Variants in H4C4 observed in about 807,000 individuals in gnomAD.
H4C4 encodes the protein histone H4.
In H4C4, 8 loss-of-function variants were observed where a neutral mutation model predicts 4.4. The observed-to-expected ratio is 1.81, with a 90% CI of 1.06 to 3.27. H4C4 has a LOEUF of 3.27. H4C4 is among the 30% of genes most tolerant of loss of function. The probability of loss-of-function intolerance (pLI) is 0.00; values close to 1 mark genes in which losing one functional copy is unlikely to be tolerated. For synonymous variants in H4C4, 130 were observed against 59.4 expected (o/e 2.19, Z -5.46); for missense variants, 223 against 148.9 (o/e 1.50, Z -2.59).
chr6:26,189,093 T>C lies in H4C4; in HGVS notation c.-17A>G. The C allele has an allele frequency of 6.4e-7, 1 of 1,563,550 alleles. No homozygotes were observed. Among genetic ancestry groups the C allele is most frequent in the Non-Finnish European group, 8.7e-7 (1 of 1,153,984 alleles). On this transcript the variant is annotated 5_prime_UTR_variant, in exon 1 of 1. Coordinates refer to ENST00000614247, the MANE Select transcript of H4C4 (RefSeq NM_003539.4). ...GCCAGACATCTTGAAACCACAGCTG[T>C]TAAATCTGTAACGCAATACGTCTGG...
chr6:26,188,812 A>G lies in H4C4; in HGVS notation c.265T>C (p.Tyr89His), dbSNP rs1764828697. 1.9e-6 allele frequency: 3 copies of G among 1,614,246 alleles called. No individual in the cohort carries two copies. Among genetic ancestry groups the G allele is most frequent in the South Asian group, 1.1e-5 (1 of 91,088 alleles). The change falls in exon 1 of 1, where the codon TAC becomes CAC. Residue 89 changes from tyrosine to histidine, a missense_variant. By Grantham distance (83) the Tyr-to-His change is moderately conservative. Transcript: ENST00000614247. ...RKTVTAMDVVYALKRQGRTLY... is the reference protein window; with the variant it reads ...RKTVTAMDVVHALKRQGRTLY... The stretch of plus-strand genomic sequence containing the variant: ...GTGCGTCCCTGGCGCTTGAGCGCGT[A>G]CACCACGTCCATGGCTGTGACTGTC...
chr6:26,188,963 C>T lies in H4C4; in HGVS notation c.114G>A (p.Leu38=), dbSNP rs146262007. The change falls in exon 1 of 1, where the codon CTG becomes CTA. Residue 38 remains leucine, a synonymous_variant. Transcript: ENST00000614247. The part of the protein sequence containing the change: ...QGITKPAIRR[L]ARRGGVKRIS... ...TACGCTTGACGCCGCCGCGGCGAGC[C>T]AGGCGGCGGATAGCGGGCTTGGTGA... The T allele has an allele frequency of 1.9e-4, 307 of 1,614,182 alleles. 1 individual carries two copies. Among genetic ancestry groups the T allele is most frequent in the South Asian group, 6.5e-4 (59 of 91,090 alleles).
At position 26,188,769 on chromosome 6, in the gene H4C4, C is replaced by A. The variant is rs1406139147; in HGVS notation, c.308G>T (p.Gly103Val). The A allele has an allele frequency of 1.2e-6, 2 of 1,614,120 alleles. No homozygotes were observed. Among genetic ancestry groups the A allele is most frequent in the South Asian group, 1.1e-5 (1 of 91,080 alleles). The change falls in exon 1 of 1, where the codon GGC becomes GTC. Residue 103 changes from glycine (G) to valine (V), a missense_variant. Coordinates refer to ENST00000614247, the MANE Select transcript of H4C4 (RefSeq NM_003539.4). ...RQGRTLYGFG[G>V] The stretch of plus-strand genomic sequence containing the variant: ...TAGTGTACTGTAGAGGTAAGCTCAG[C>A]CGCCGAAGCCATAAAGAGTGCGTCC...
chr6:26,188,957 G>A lies in H4C4; in HGVS notation c.120C>T (p.Arg40=), dbSNP rs756481227. ...ITKPAIRRLA[R]RGGVKRISGL... ...CAGAAATACGCTTGACGCCGCCGCG[G>A]CGAGCCAGGCGGCGGATAGCGGGCT... Residue 40 remains arginine, a synonymous_variant, in exon 1 of 1, where the codon CGC becomes CGT. Coordinates refer to ENST00000614247, the MANE Select transcript of H4C4 (RefSeq NM_003539.4). 5 of 1,614,052 alleles carry A rather than the reference G, an allele frequency of 3.1e-6. No individual in the cohort carries two copies. In the East Asian group the frequency reaches 6.7e-5, roughly 22 times the overall value.
At position 26,188,863 on chromosome 6, in the gene H4C4, T is replaced by G. The variant is rs771130609; in HGVS notation, c.214A>C (p.Thr72Pro). 3.1e-6 allele frequency: 5 copies of G among 1,614,116 alleles called. No homozygotes were observed. Among genetic ancestry groups the G allele is most frequent in the Admixed American group, 1.7e-5 (1 of 60,014 alleles). The part of the protein sequence containing the change: ...FLENVIRDAV[T>P]YTEHAKRKTV... Reference sequence around the variant, plus strand: ...TTGCGTTTGGCGTGTTCCGTGTAGGTGACAGCATCGCGGATTACATTTTCC... The same window carrying G: ...TTGCGTTTGGCGTGTTCCGTGTAGGGGACAGCATCGCGGATTACATTTTCC... The change falls in exon 1 of 1, where the codon ACC becomes CCC. Residue 72 changes from threonine (T) to proline (P), a missense_variant. Coordinates refer to ENST00000614247, the MANE Select transcript of H4C4 (RefSeq NM_003539.4).
In H4C4 at chr6:26,189,029, G is replaced by C. The variant is rs375888188; in HGVS notation, c.48C>G (p.Ala16=). Residue 16 remains alanine (A), a synonymous_variant, in exon 1 of 1, where the codon GCC becomes GCG. Coordinates refer to ENST00000614247, the MANE Select transcript of H4C4 (RefSeq NM_003539.4). ...CACGCAATACCTTACGGTGACGCTT[G>C]GCGCCACCCTTACCTAGACCCTTTC... is the stretch of plus-strand genomic sequence containing the variant. ...KGGKGLGKGG[A]KRHRKVLRDN... is the part of the protein sequence containing the mutation. The C allele has an allele frequency of 3.0e-5, 48 of 1,611,018 alleles. No individual in the cohort carries two copies. The highest frequency in any genetic ancestry group is 4.0e-5 in the Non-Finnish European group (47 of 1,177,796).
chr6:26,188,856 G>A lies in H4C4; in HGVS notation c.221C>T (p.Thr74Met), dbSNP rs374211503. Residue 74 changes from threonine to methionine, a missense_variant, in exon 1 of 1, where the codon ACG becomes ATG. By Grantham distance (81) the Thr-to-Met change is moderately conservative. Transcript: ENST00000614247. ...ENVIRDAVTYTEHAKRKTVTA... is the reference protein window; with the variant it reads ...ENVIRDAVTYMEHAKRKTVTA... ...GACTGTCTTGCGTTTGGCGTGTTCC[G>A]TGTAGGTGACAGCATCGCGGATTAC... 6.2e-7 allele frequency: 1 copy of A among 1,614,240 alleles called. No homozygotes were observed. The highest frequency in any genetic ancestry group is 8.5e-7 in the Non-Finnish European group (1 of 1,180,042).
In H4C4 at chr6:26,188,972, G is replaced by T. The variant is rs746577882; in HGVS notation, c.105C>A (p.Ile35=). The T allele has an allele frequency of 1.9e-6, 3 of 1,614,180 alleles. No homozygotes were observed. Among genetic ancestry groups the T allele is most frequent in the Non-Finnish European group, 2.5e-6 (3 of 1,180,004 alleles). ...DNIQGITKPA[I]RRLARRGGVK... is the part of the protein sequence containing the mutation. ...CGCCGCCGCGGCGAGCCAGGCGGCG[G>T]ATAGCGGGCTTGGTGATTCCTTGGA... is the stretch of plus-strand genomic sequence containing the variant. Residue 35 remains isoleucine, a synonymous_variant, in exon 1 of 1, where the codon ATC becomes ATA. Coordinates refer to ENST00000614247, the MANE Select transcript of H4C4 (RefSeq NM_003539.4).
In H4C4 at chr6:26,188,887, C is replaced by G; in HGVS notation, c.190G>C (p.Glu64Gln). The stretch of plus-strand genomic sequence containing the variant: ...GTGACAGCATCGCGGATTACATTTT[C>G]CAGGAAAACTTTCAGCACTCCGCGA... ...ETRGVLKVFL[E>Q]NVIRDAVTYT... is the part of the protein sequence containing the mutation. Residue 64 changes from glutamate (E) to glutamine (Q), a missense_variant, in exon 1 of 1, where the codon GAA (glutamate) becomes CAA (glutamine). Transcript: ENST00000614247. The G allele has an allele frequency of 1.2e-6, 2 of 1,614,174 alleles. No homozygotes were observed. Among genetic ancestry groups the G allele is most frequent in the Non-Finnish European group, 1.7e-6 (2 of 1,180,030 alleles).
chr6:26,189,044 T>G lies in H4C4; in HGVS notation c.33A>C (p.Leu11=). ...GGTGACGCTTGGCGCCACCCTTACC[T>G]AGACCCTTTCCGCCCTTACCGCGGC... The part of the protein sequence containing the change: MSGRGKGGKG[L]GKGGAKRHRK... The change falls in exon 1 of 1, where the codon CTA becomes CTC. Residue 11 remains leucine, a synonymous_variant. Coordinates refer to ENST00000614247, the MANE Select transcript of H4C4 (RefSeq NM_003539.4). 7.5e-6 allele frequency: 12 copies of G among 1,601,948 alleles called. No homozygotes were observed. Among genetic ancestry groups the G allele is most frequent in the Non-Finnish European group, 1.0e-5 (12 of 1,171,476 alleles).
Position 26,188,729 on chromosome 6 carries a change from C to G in H4C4, c.*36G>C. The stretch of plus-strand genomic sequence containing the variant: ...AGTGGATAGGTGGCCCTGAAAAGGG[C>G]CGTTGGTTTTGCGGTAGTGTACTGT... On this transcript the variant is annotated 3_prime_UTR_variant, in exon 1 of 1. Coordinates refer to ENST00000614247, the MANE Select transcript of H4C4 (RefSeq NM_003539.4). 2 of 1,594,908 alleles carry G rather than the reference C, an allele frequency of 1.3e-6. No homozygotes were observed. Among genetic ancestry groups the G allele is most frequent in the South Asian group, 2.2e-5 (2 of 89,622 alleles).
chr6:26,188,964 A>T lies in H4C4; in HGVS notation c.113T>A (p.Leu38Gln), dbSNP rs747755990. The change falls in exon 1 of 1, where the codon CTG becomes CAG. Residue 38 changes from leucine to glutamine, a missense_variant. Coordinates refer to ENST00000614247, the MANE Select transcript of H4C4 (RefSeq NM_003539.4). The stretch of plus-strand genomic sequence containing the variant: ...ACGCTTGACGCCGCCGCGGCGAGCC[A>T]GGCGGCGGATAGCGGGCTTGGTGAT... ...QGITKPAIRRLARRGGVKRIS... is the reference protein window; with the variant it reads ...QGITKPAIRRQARRGGVKRIS... 6.2e-7 allele frequency: 1 copy of T among 1,614,202 alleles called. No homozygotes were observed. Among genetic ancestry groups the T allele is most frequent in the South Asian group, 1.1e-5 (1 of 91,092 alleles).
rs539823981 is a variant in H4C4 at position 26,189,063 on chromosome 6, C to A, written c.14G>T (p.Gly5Val). Residue 5 changes from glycine (G) to valine (V), a missense_variant, in exon 1 of 1, where the codon GGT becomes GTT. Physicochemically the swap from Gly to Val is moderately radical, Grantham distance 109. Coordinates refer to ENST00000614247, the MANE Select transcript of H4C4 (RefSeq NM_003539.4). ...CTTACCTAGACCCTTTCCGCCCTTACCGCGGCCAGACATCTTGAAACCACA... is the reference window on the plus strand; with the variant it reads ...CTTACCTAGACCCTTTCCGCCCTTAACGCGGCCAGACATCTTGAAACCACA... MSGRGKGGKGLGKGG... is the reference protein window; with the variant it reads MSGRVKGGKGLGKGG... 2 of 1,587,436 alleles carry A rather than the reference C, an allele frequency of 1.3e-6. No individual in the cohort carries two copies. The highest frequency in any genetic ancestry group is 1.4e-5 in the African/African-American group (1 of 73,804).
In H4C4 at chr6:26,188,931, C is replaced by G. The variant is rs759432453; in HGVS notation, c.146G>C (p.Gly49Ala). ...ARRGGVKRISGLIYEETRGVL... is the reference protein window; with the variant it reads ...ARRGGVKRISALIYEETRGVL... Reference sequence around the variant, plus strand: ...TCCGCGAGTTTCCTCATAAATGAGGCCAGAAATACGCTTGACGCCGCCGCG... The same window carrying G: ...TCCGCGAGTTTCCTCATAAATGAGGGCAGAAATACGCTTGACGCCGCCGCG... Residue 49 changes from glycine to alanine, a missense_variant, in exon 1 of 1, where the codon GGC becomes GCC. Coordinates refer to ENST00000614247, the MANE Select transcript of H4C4 (RefSeq NM_003539.4). The G allele has an allele frequency of 3.1e-6, 5 of 1,614,214 alleles. No individual in the cohort carries two copies. The Admixed American group carries it at 5.0e-5, about 16-fold the overall frequency.
rs774787495 is a variant in H4C4 at position 26,188,766 on chromosome 6, C to A, written c.311G>T (p.Ter104LeuextTer?). Residue 104 changes from the stop codon to leucine (L), a stop_lost, in exon 1 of 1, where the codon TGA (stop) becomes TTA (leucine). Transcript: ENST00000614247. ...QGRTLYGFGG[*>L] ...CGGTAGTGTACTGTAGAGGTAAGCT[C>A]AGCCGCCGAAGCCATAAAGAGTGCG... 3 of 1,613,974 alleles carry A rather than the reference C, an allele frequency of 1.9e-6. No individual in the cohort carries two copies. The highest frequency in any genetic ancestry group is 1.3e-5 in the African/African-American group (1 of 74,936).
rs763533370 is a variant in H4C4, at chr6:26,189,100, T to C, written c.-24A>G. 6.4e-7 allele frequency: 1 copy of C among 1,551,696 alleles called. No individual in the cohort carries two copies. Among genetic ancestry groups the C allele is most frequent in the Non-Finnish European group, 8.7e-7 (1 of 1,147,638 alleles). On this transcript the variant is annotated 5_prime_UTR_variant, in exon 1 of 1. Transcript: ENST00000614247. ...ATCTTGAAACCACAGCTGTTAAATC[T>C]GTAACGCAATACGTCTGGCAGAGCC... is the stretch of plus-strand genomic sequence containing the variant.
Position 26,189,095 on chromosome 6 carries a change from A to G in H4C4, c.-19T>C, listed in dbSNP as rs745981767. ...CAGACATCTTGAAACCACAGCTGTT[A>G]AATCTGTAACGCAATACGTCTGGCA... On this transcript the variant is annotated 5_prime_UTR_variant, in exon 1 of 1. Coordinates refer to ENST00000614247, the MANE Select transcript of H4C4 (RefSeq NM_003539.4). 1.3e-6 allele frequency: 2 copies of G among 1,561,650 alleles called. No individual in the cohort carries two copies. Among genetic ancestry groups the G allele is most frequent in the South Asian group, 1.2e-5 (1 of 84,834 alleles).
rs373810094 is a variant in H4C4, at chr6:26,188,726, G to T, written c.*39C>A. 6.3e-7 allele frequency: 1 copy of T among 1,592,016 alleles called. No individual in the cohort carries two copies. Among genetic ancestry groups the T allele is most frequent in the African/African-American group, 1.3e-5 (1 of 74,156 alleles). ...CTGAGTGGATAGGTGGCCCTGAAAA[G>T]GGCCGTTGGTTTTGCGGTAGTGTAC... On this transcript the variant is annotated 3_prime_UTR_variant, in exon 1 of 1. Coordinates refer to ENST00000614247, the MANE Select transcript of H4C4 (RefSeq NM_003539.4).
Position 26,188,755 on chromosome 6 carries a change from A to AGAGGT in H4C4, c.*5_*9dup, listed in dbSNP as rs1429665812. The AGAGGT allele has an allele frequency of 4.3e-6, 7 of 1,613,788 alleles. No individual in the cohort carries two copies. Among genetic ancestry groups the AGAGGT allele is most frequent in the Non-Finnish European group, 5.9e-6 (7 of 1,179,914 alleles). ...CGTTGGTTTTGCGGTAGTGTACTGT[A>AGAGGT]GAGGTAAGCTCAGCCGCCGAAGCCA... On this transcript the variant is annotated 3_prime_UTR_variant, in exon 1 of 1. Transcript: ENST00000614247.
Sources: gnomAD v4.1 joint callset for allele counts on GRCh38, gnomAD v4.1.1 for gene constraint, MANE v1.5 for transcripts, NCBI Gene and HGNC (gene_info 2026-07-23, HGNC 2026-07-21) for gene names.